PSIP1: variants seen among roughly 807,000 people sequenced by gnomAD.
The protein encoded by PSIP1 is PC4 and SRSF1 interacting protein 1.
In PSIP1, 19 loss-of-function variants were observed where a neutral mutation model predicts 74.7. The observed-to-expected ratio is 0.25, with a 90% CI of 0.18 to 0.37. The LOEUF is 0.37. PSIP1 is among the 10% of genes least tolerant of loss of function. The probability of loss-of-function intolerance (pLI) is 1.00; values close to 1 mark genes in which losing one functional copy is unlikely to be tolerated. For synonymous variants in PSIP1, 222 were observed against 195.3 expected (o/e 1.14, Z -1.14); for missense variants, 601 against 614.3 (o/e 0.98, Z 0.23).
At chr9:15,494,565 C>CAAAAAAAAAAA (rs57170853) in intron 3 of PSIP1, among the ~76,000 whole-genome samples, 1 of 37,532 alleles carries the variant, frequency 2.7e-5, no homozygotes, top group African/African-American at 1.1e-4. Flanking sequence ...AACTGCATCT[C>CAAAAAAAAAAA]AAAAAAAAAA....
chr9:15,473,892 C>T, intron 9 of PSIP1, 117 bp downstream of exon 9: 1 of 748,892 alleles, frequency 1.3e-6, no homozygotes, highest in Non-Finnish European at 1.9e-6. Flanking sequence ...CACAGCGAGA[C>T]TCCATCTCAA....
intron 10 of PSIP1, 139 bp downstream of exon 10, chr9:15,472,487 CATATAT>C: frequency 7.1e-7 from 1 of 1,416,346 alleles, no homozygotes; most frequent in Non-Finnish European, 9.1e-7. Context: ...AGATCATCAT[CATATAT>C]TGAAGATTTT....
At position 15,509,673 on chromosome 9, in the gene PSIP1, T is replaced by C. The variant is rs189525268; in HGVS notation, c.72+444A>G. 3.3e-3 allele frequency among the ~76,000 whole-genome samples: 503 copies of C among 152,318 alleles called. 3 individuals are homozygous for C. Among genetic ancestry groups the C allele is most frequent in the Non-Finnish European group, 6.0e-3 (406 of 68,018 alleles). On this transcript the variant is annotated intron_variant, in intron 2 of 15. Coordinates refer to ENST00000380733, the MANE Select transcript of PSIP1 (RefSeq NM_033222.5). ...GTACAAGGTATTTTTTTTAAAACCC[T>C]GTAAATCCAATTTAATCACATACGC...
intron 3 of PSIP1, among the ~76,000 whole-genome samples, chr9:15,497,411 C>G (rs1438402508): frequency 6.7e-6 from 1 of 149,362 alleles, no homozygotes; most frequent in African/African-American, 2.5e-5. Flanking sequence ...GCAACATCCT[C>G]TGCTTCCCAA....
In PSIP1 at chr9:15,501,866, T is replaced by TAA. The variant is rs1554664089; in HGVS notation, c.149+4693_149+4694dup. On this transcript the variant is annotated intron_variant, in intron 3 of 15. Transcript: ENST00000380733. Reference sequence around the variant, plus strand: ...ATATATATATATATATATATATATATAAAACGCACACCCTCCCATATACTT... The same window carrying TAA: ...ATATATATATATATATATATATATATAAAAAACGCACACCCTCCCATATACTT... 2.0e-4 allele frequency among the ~76,000 whole-genome samples: 27 copies of TAA among 135,678 alleles called. 2 individuals are homozygous for TAA. Among genetic ancestry groups the TAA allele is most frequent in the South Asian group, 1.9e-3 (8 of 4,144 alleles). 89.0% of individuals were successfully genotyped at this position (135,678 alleles called of 152,430 possible). A position where few individuals can be genotyped will look rare whatever the true frequency, so the allele number is the denominator to read the frequency against.
rs911941745 is a variant in PSIP1 at position 15,489,899 on chromosome 9, T to G, written c.288+87A>C. ...CAAACTAGTATGAAATTCCCAAGGC[T>G]TTTAGTATTTACTTTCCTACAGCTA... On this transcript the variant is annotated intron_variant, in intron 4 of 15. Coordinates refer to ENST00000380733, the MANE Select transcript of PSIP1 (RefSeq NM_033222.5). 5.4e-5 allele frequency: 62 copies of G among 1,144,760 alleles called. 1 individual carries two copies. In the South Asian group the frequency reaches 9.1e-4, roughly 17 times the overall value. The allele number at this position is 1,144,760 out of a possible 1,614,324, so 70.9% of individuals were successfully genotyped here.
rs1432299224 is a variant in PSIP1 at position 15,510,271 on chromosome 9, G to A, written c.-83C>T. ...CGCGGGGATGCGGGCGGCGGACGCG[G>A]GCCCAGCTACCGGGCCCGCGGGCGG... On this transcript the variant is annotated 5_prime_UTR_variant, in exon 2 of 16. Coordinates refer to ENST00000380733, the MANE Select transcript of PSIP1 (RefSeq NM_033222.5). 7.5e-6 allele frequency: 10 copies of A among 1,327,198 alleles called. No individual in the cohort carries two copies. Among genetic ancestry groups the A allele is most frequent in the African/African-American group, 4.6e-5 (3 of 65,906 alleles). The allele number at this position is 1,327,198 out of a possible 1,614,324, so 82.2% of individuals were successfully genotyped here.
intron 8 of PSIP1, among the ~76,000 whole-genome samples, 193 bp from the exon 9 acceptor site, chr9:15,474,430 G>C (rs571864527): frequency 6.6e-6 from 1 of 152,288 alleles, no homozygotes; most frequent in Admixed American, 6.5e-5. Context: ...AAGATGGGCA[G>C]ATCCCTGGCT....
chr9:15,471,263 C>G, intron 10 of PSIP1: 1 of 1,585,736 alleles, frequency 6.3e-7, no homozygotes, highest in Non-Finnish European at 8.7e-7. Context: ...CTTTATTTTG[C>G]ATAATGCATT....
rs201902166 is a variant in PSIP1, at chr9:15,469,328, T to C, written c.1042A>G (p.Met348Val). The change falls in exon 12 of 16, where the codon ATG becomes GTG. Residue 348 changes from methionine (M) to valine (V), a missense_variant. Physicochemically the swap from Met to Val is conservative, Grantham distance 21. This residue lies in a region of PSIP1 where 538 missense variants were observed against 507.6 expected (regional missense o/e 1.06). Transcript: ENST00000380733. ...TGTATCCTTTGAAGTCGAGAATCCATTGATGTTTCTACAAATTAAAATATG... is the reference window on the plus strand; with the variant it reads ...TGTATCCTTTGAAGTCGAGAATCCACTGATGTTTCTACAAATTAAAATATG... ...KKVEKKRETSMDSRLQRIHAE... is the reference protein window; with the variant it reads ...KKVEKKRETSVDSRLQRIHAE... 3.1e-5 allele frequency: 48 copies of C among 1,560,482 alleles called. No individual in the cohort carries two copies. The highest frequency in any genetic ancestry group is 2.1e-4 in the South Asian group (18 of 84,732).
At chr9:15,493,757 T>C (rs556498730) in intron 3 of PSIP1, among the ~76,000 whole-genome samples, 1 of 152,190 alleles carries the variant, frequency 6.6e-6, no homozygotes, top group African/African-American at 2.4e-5. Context: ...AACCATCAGA[T>C]CTCATGAGAC....
chr9:15,470,953 A>C lies in PSIP1; in HGVS notation c.978-960T>G, dbSNP rs1015825181. 8 of 1,153,162 alleles carry C rather than the reference A, an allele frequency of 6.9e-6. No homozygotes were observed. The South Asian group carries it at 1.2e-4, about 18-fold the overall frequency. 71.4% of individuals were successfully genotyped at this position (1,153,162 alleles called of 1,614,324 possible). A position where few individuals can be genotyped will look rare whatever the true frequency, so the allele number is the denominator to read the frequency against. The stretch of plus-strand genomic sequence containing the variant: ...CTTGGTTAAAAAAAAAAAAAAAAAA[A>C]AAAAACAGGAATGATGGCCGACCTT... On this transcript the variant is annotated intron_variant, in intron 10 of 15. Transcript: ENST00000380733.
chr9:15,502,721 G>A lies in PSIP1; in HGVS notation c.149+3840C>T, dbSNP rs563925464. Among the ~76,000 whole-genome samples the A allele has an allele frequency of 9.8e-5, 15 of 152,364 alleles. 1 individual carries two copies. The highest frequency in any genetic ancestry group is 3.6e-4 in the African/African-American group (15 of 41,596). On this transcript the variant is annotated intron_variant, in intron 3 of 15. Coordinates refer to ENST00000380733, the MANE Select transcript of PSIP1 (RefSeq NM_033222.5). ...AAAGGAAGGGGAAAGACTATAACAT[G>A]TAATCAAGGATAATACCAAGACTTG...
Position 15,486,849 on chromosome 9 carries a change from T to C in PSIP1, c.371A>G (p.His124Arg), listed in dbSNP as rs1428258460. 3.7e-6 allele frequency: 6 copies of C among 1,607,930 alleles called. No homozygotes were observed. The highest frequency in any genetic ancestry group is 3.3e-5 in the South Asian group (3 of 90,128). ...TACCTCATTGCTGGCTTTTTCTTCATGGTCGGTATCTTCCTTTGAAACACT... is the reference window on the plus strand; with the variant it reads ...TACCTCATTGCTGGCTTTTTCTTCACGGTCGGTATCTTCCTTTGAAACACT... ...ETSVSKEDTD[H>R]EEKASNEDVT... The change falls in exon 5 of 16, where the codon CAT becomes CGT. Residue 124 changes from histidine to arginine, a missense_variant. Coordinates refer to ENST00000380733, the MANE Select transcript of PSIP1 (RefSeq NM_033222.5).
chr9:15,481,323 T>C (rs865913250), intron 6 of PSIP1, among the ~76,000 whole-genome samples: 1 of 152,214 alleles, frequency 6.6e-6, no homozygotes, highest in African/African-American at 2.4e-5. Context: ...TTATAACTGG[T>C]CAATTCTTTG....
At chr9:15,505,694 C>A (rs2037555651) in intron 3 of PSIP1, 2 of 152,162 alleles carry the variant, frequency 1.3e-5, no homozygotes, top group African/African-American at 4.8e-5. Flanking sequence ...TATTGAAAAT[C>A]ACTTTAAGCA....
intron 3 of PSIP1, among the ~76,000 whole-genome samples, chr9:15,498,441 A>G (rs2132192018): frequency 6.6e-6 from 1 of 152,118 alleles, no homozygotes; most frequent in East Asian, 1.9e-4. Context: ...ACAAAAAAAC[A>G]AAGAGTAAGA....
chr9:15,471,264 A>G (rs2035814142), intron 10 of PSIP1: 6 of 1,585,536 alleles, frequency 3.8e-6, no homozygotes, highest in Non-Finnish European at 4.3e-6. Flanking sequence ...TTTATTTTGC[A>G]TAATGCATTT....
At chr9:15,493,278 A>G (rs2036918490) in intron 3 of PSIP1, among the ~76,000 whole-genome samples, 5 of 152,218 alleles carry the variant, frequency 3.3e-5, no homozygotes, top group Admixed American at 3.3e-4. Context: ...CTGCTAGAGC[A>G]GAGCAAGAGT....
Sources: gnomAD v4.1 joint callset for allele counts (sites outside exome capture counted in the v4.1 genomes callset) on GRCh38, gnomAD v4.1.1 for gene constraint, gnomAD v4.1.1 regional missense constraint, MANE v1.5 for transcripts, NCBI Gene and HGNC (gene_info 2026-07-23, HGNC 2026-07-21) for gene names.